NR5A2: variants seen among roughly 807,000 people sequenced by gnomAD.
NR5A2 encodes nuclear receptor subfamily 5 group A member 2, also known as CYP7A promoter-binding factor.
NR5A2 carries 26 observed loss-of-function variants against 62.7 expected under a neutral mutation model. The observed-to-expected ratio is 0.41, with a 90% CI of 0.30 to 0.58. The LOEUF (loss-of-function observed/expected upper bound fraction) is 0.58, where lower values mean the gene tolerates loss of function less well. Among genes scored for constraint, NR5A2 ranks in the 20% least tolerant of loss-of-function variants. NR5A2 has a pLI of 0.22. For synonymous variants in NR5A2, 246 were observed against 241.7 expected (o/e 1.02, Z -0.16); for missense variants, 541 against 669.1 (o/e 0.81, Z 2.11).
intron 5 of NR5A2, among the ~76,000 whole-genome samples, chr1:200,078,611 C>T (rs1021631732): frequency 6.6e-6 from 1 of 152,098 alleles, no homozygotes; most frequent in East Asian, 1.9e-4. Context: ...TTCCAATATA[C>T]CCCTCTACTT....
At chr1:200,057,114 T>A (rs1292512357) in intron 5 of NR5A2, among the ~76,000 whole-genome samples, 1 of 152,222 alleles carries the variant, frequency 6.6e-6, no homozygotes, top group African/African-American at 2.4e-5. Flanking sequence ...TTACATATCT[T>A]TGGGTCAATT....
At chr1:200,142,188 C>CTTTTT (rs535827114) in intron 7 of NR5A2, among the ~76,000 whole-genome samples, 4 of 55,418 alleles carry the variant, frequency 7.2e-5, no homozygotes, top group African/African-American at 2.0e-4. Context: ...TTAAAGACTT[C>CTTTTT]TTTTTTTTTT....
chr1:200,050,640 C>T (rs1054994586), intron 5 of NR5A2, among the ~76,000 whole-genome samples: 5 of 152,214 alleles, frequency 3.3e-5, no homozygotes, highest in Admixed American at 2.0e-4. Flanking sequence ...CCTGTAATCC[C>T]AGCACTTTGG....
intron 7 of NR5A2, among the ~76,000 whole-genome samples, chr1:200,123,627 C>T (rs922177810): frequency 3.9e-5 from 6 of 152,060 alleles, no homozygotes; most frequent in Admixed American, 1.3e-4. Context: ...CTTAAGGCGA[C>T]GGGGATGCGG....
At chr1:200,104,966 T>A (rs533759736) in intron 5 of NR5A2, among the ~76,000 whole-genome samples, 15 of 152,166 alleles carry the variant, frequency 9.9e-5, no homozygotes, top group African/African-American at 3.1e-4. Flanking sequence ...CCTGGCCTTT[T>A]TTTACTTTTT....
intron 7 of NR5A2, among the ~76,000 whole-genome samples, chr1:200,146,166 C>G (rs1654204280): frequency 6.6e-6 from 1 of 152,146 alleles, no homozygotes; most frequent in African/African-American, 2.4e-5. Flanking sequence ...CCATGAGATT[C>G]TTGAGTTTCT....
At chr1:200,123,111 C>T (rs1464189527) in intron 7 of NR5A2, among the ~76,000 whole-genome samples, 1 of 152,164 alleles carries the variant, frequency 6.6e-6, no homozygotes, top group African/African-American at 2.4e-5. Flanking sequence ...TCCTCCTGAG[C>T]CTCGAGTCCC....
intron 5 of NR5A2, among the ~76,000 whole-genome samples, chr1:200,067,234 GA>G (rs1663524668): frequency 6.6e-6 from 1 of 152,088 alleles, no homozygotes; most frequent in African/African-American, 2.4e-5. Flanking sequence ...CACAGGAACA[GA>G]AAACCAAATA....
intron 5 of NR5A2, among the ~76,000 whole-genome samples, chr1:200,100,656 C>G (rs915508964): frequency 6.6e-6 from 1 of 152,164 alleles, no homozygotes. Flanking sequence ...TTGCCATCAG[C>G]GTACACTGAG....
chr1:200,063,145 T>A (rs1468746596), intron 5 of NR5A2, among the ~76,000 whole-genome samples: 1 of 151,892 alleles, frequency 6.6e-6, no homozygotes, highest in African/African-American at 2.4e-5. Flanking sequence ...TGCCTCAGCC[T>A]CCTAAGTAGC....
At chr1:200,079,161 G>A (rs891661595) in intron 5 of NR5A2, among the ~76,000 whole-genome samples, 1 of 152,142 alleles carries the variant, frequency 6.6e-6, no homozygotes, top group Non-Finnish European at 1.5e-5. Context: ...ATTGATATAA[G>A]GGGAAATCCT....
chr1:200,045,734 G>C, intron 4 of NR5A2, 150 bp downstream of exon 4: 1 of 584,540 alleles, frequency 1.7e-6, no homozygotes, highest in Non-Finnish European at 2.7e-6. Flanking sequence ...TTCATCTGCA[G>C]AATAGTCTGA....
chr1:200,086,761 G>A (rs1388020327), intron 5 of NR5A2, among the ~76,000 whole-genome samples: 19 of 152,150 alleles, frequency 1.2e-4, no homozygotes, highest in African/African-American at 3.1e-4. Context: ...GGACAAGGCC[G>A]GGCAAGGTGG....
rs1304883072 is a variant in NR5A2 at position 200,048,269 on chromosome 1, A to G, written c.561A>G (p.Arg187=). ...ALKQQKKALI[R]ANGLKLEAMS... ...AGCAACAGAAAAAAGCCCTCATCCG[A>G]GCCAATGGACTTAAGCTAGAAGCCA... is the stretch of plus-strand genomic sequence containing the variant. Residue 187 remains arginine, a synonymous_variant, in exon 5 of 8, where the codon CGA becomes CGG. Coordinates refer to ENST00000367362, the MANE Select transcript of NR5A2 (RefSeq NM_205860.3). The surrounding 1 kb of genome is among the most constrained non-coding windows in gnomAD (Gnocchi z 4.8). 6 of 1,613,956 alleles carry G rather than the reference A, an allele frequency of 3.7e-6. No homozygotes were observed. In the East Asian group the frequency reaches 1.1e-4, roughly 30 times the overall value.
intron 5 of NR5A2, among the ~76,000 whole-genome samples, chr1:200,073,236 ATAT>A (rs1663823139): frequency 1.3e-4 from 3 of 23,478 alleles, no homozygotes; most frequent in African/African-American, 8.5e-4. Context: ...ATTTACATAC[ATAT>A]ATATATATAT....
chr1:200,148,030 G>A (rs1383902018), intron 7 of NR5A2: 2 of 305,644 alleles, frequency 6.5e-6, no homozygotes, highest in Non-Finnish European at 1.3e-5. Flanking sequence ...GCCACGTTGG[G>A]CAGGTCGCTG....
At chr1:200,134,323 T>A (rs1318155110) in intron 7 of NR5A2, among the ~76,000 whole-genome samples, 2 of 152,202 alleles carry the variant, frequency 1.3e-5, no homozygotes, top group Non-Finnish European at 2.9e-5. Context: ...CCAGAGCAAC[T>A]TCCAGTCCTG....
Position 200,078,730 on chromosome 1 carries a change from T to C in NR5A2, c.1110+29912T>C, listed in dbSNP as rs150436530. Reference sequence around the variant, plus strand: ...TCATGCATGTGCTCTCATTAGATCCTTTATTTACTACCTTACTTTAATGTT... The same window carrying C: ...TCATGCATGTGCTCTCATTAGATCCCTTATTTACTACCTTACTTTAATGTT... On this transcript the variant is annotated intron_variant, in intron 5 of 7. Coordinates refer to ENST00000367362, the MANE Select transcript of NR5A2 (RefSeq NM_205860.3). Among the ~76,000 whole-genome samples the C allele has an allele frequency of 3.7e-3, 566 of 152,314 alleles. 6 individuals are homozygous for C. Among genetic ancestry groups the C allele is most frequent in the African/African-American group, 0.013 (541 of 41,570 alleles).
intron 7 of NR5A2, among the ~76,000 whole-genome samples, chr1:200,169,052 C>T (rs1286301504): frequency 1.3e-5 from 2 of 151,522 alleles, no homozygotes; most frequent in African/African-American, 2.4e-5. Flanking sequence ...TTAGATAAAC[C>T]AGCTCGCACC....
Sources: allele counts gnomAD v4.1 joint callset (sites outside exome capture counted in the v4.1 genomes callset), GRCh38; gene constraint gnomAD v4.1.1; non-coding constraint Gnocchi (gnomAD v3.1); transcripts MANE v1.5; gene names NCBI Gene and HGNC (gene_info 2026-07-23, HGNC 2026-07-21).